PPFIA2: variants seen among roughly 807,000 people sequenced by gnomAD.
The protein encoded by PPFIA2 is liprin-alpha-2.
Under a neutral mutation model 175.5 loss-of-function variants are expected in PPFIA2, and 46 were observed. That is an observed-to-expected ratio of 0.26 (90% confidence interval 0.21 to 0.34). PPFIA2 has a LOEUF of 0.34. Among genes scored for constraint, PPFIA2 ranks in the 10% least tolerant of loss-of-function variants. PPFIA2 has a pLI of 1.00. For synonymous variants in PPFIA2, 568 were observed against 511.4 expected, an observed-to-expected ratio of 1.11 and a Z score of -1.49; for missense variants, 1,179 against 1,506.1, an observed-to-expected ratio of 0.78 and a Z score of 3.60.
chr12:81,341,320 A>G, intron 19 of PPFIA2, 112 bp from the exon 20 acceptor site: 1 of 1,061,874 alleles, frequency 9.4e-7, no homozygotes, highest in Non-Finnish European at 1.3e-6. Flanking sequence ...TACAAAATAA[A>G]ACAACAAAAC....
intron 4 of PPFIA2, chr12:81,598,093 C>A: frequency 6.5e-7 from 1 of 1,532,136 alleles, no homozygotes. Flanking sequence ...GAGAGCTTAG[C>A]GTACAGATAA....
At chr12:81,741,951 T>C (rs2082376848) in intron 3 of PPFIA2, among the ~76,000 whole-genome samples, 1 of 152,110 alleles carries the variant, frequency 6.6e-6, no homozygotes, top group Non-Finnish European at 1.5e-5. Flanking sequence ...TAAATAAATA[T>C]TTGAGTAAAG....
chr12:81,410,838 G>C (rs1592566321), intron 7 of PPFIA2, among the ~76,000 whole-genome samples: 1 of 152,040 alleles, frequency 6.6e-6, no homozygotes, highest in East Asian at 1.9e-4. Flanking sequence ...TAAGCTGGTA[G>C]AATATGAAAG....
chr12:81,707,452 C>CA (rs555637979), intron 3 of PPFIA2, among the ~76,000 whole-genome samples: 79 of 152,296 alleles, frequency 5.2e-4, no homozygotes, highest in African/African-American at 1.9e-3. Flanking sequence ...CAGAGCAATG[C>CA]AAATCAAAGC....
chr12:81,377,760 C>A (rs1435724552), intron 9 of PPFIA2, among the ~76,000 whole-genome samples: 2 of 152,080 alleles, frequency 1.3e-5, no homozygotes, highest in African/African-American at 2.4e-5. Flanking sequence ...TCCCCTCCAT[C>A]TTCAGGGTAA....
chr12:81,347,386 T>A, intron 18 of PPFIA2, 147 bp downstream of exon 18: 1 of 751,440 alleles, frequency 1.3e-6, no homozygotes, highest in Non-Finnish European at 2.3e-6. Context: ...AATGTACTGA[T>A]CACATAGGGA....
chr12:81,365,816 A>G (rs1041103985), intron 14 of PPFIA2, among the ~76,000 whole-genome samples: 6 of 151,786 alleles, frequency 4.0e-5, no homozygotes, highest in South Asian at 2.1e-4. Context: ...CTAAAGACCT[A>G]TCTTTCAGGA....
chr12:81,754,821 A>T (rs769445953), intron 2 of PPFIA2, among the ~76,000 whole-genome samples: 1 of 152,098 alleles, frequency 6.6e-6, no homozygotes, highest in Non-Finnish European at 1.5e-5. Context: ...TTTCAAACTG[A>T]CTAGTTTTAA....
At chr12:81,632,856 T>C (rs746807218) in intron 4 of PPFIA2, among the ~76,000 whole-genome samples, 1 of 152,072 alleles carries the variant, frequency 6.6e-6, no homozygotes, top group Non-Finnish European at 1.5e-5. Flanking sequence ...TGAGCTGCTG[T>C]ACTCTTCTGT....
intron 14 of PPFIA2, among the ~76,000 whole-genome samples, chr12:81,363,257 T>C (rs1395723682): frequency 1.3e-5 from 2 of 151,218 alleles, no homozygotes; most frequent in Non-Finnish European, 1.5e-5. Flanking sequence ...TAGGCAACAA[T>C]TGGAGGATTT....
At chr12:81,708,181 A>C (rs1018762776) in intron 3 of PPFIA2, among the ~76,000 whole-genome samples, 4 of 152,166 alleles carry the variant, frequency 2.6e-5, no homozygotes, top group Admixed American at 1.3e-4. Flanking sequence ...ATAATAAAAA[A>C]ACAAAAAAAA....
At chr12:81,361,130 A>C (rs1165500431) in intron 15 of PPFIA2, among the ~76,000 whole-genome samples, 1 of 151,686 alleles carries the variant, frequency 6.6e-6, no homozygotes, top group African/African-American at 2.4e-5. Flanking sequence ...GATAAATGTC[A>C]CATTGTTAGG....
At chr12:81,662,250 A>G (rs999894418) in intron 4 of PPFIA2, among the ~76,000 whole-genome samples, 21 of 152,176 alleles carry the variant, frequency 1.4e-4, no homozygotes, top group African/African-American at 4.3e-4. Context: ...CAAAAAATCA[A>G]TGAATCCAGG....
chr12:81,278,454 T>G (rs2041153969), intron 27 of PPFIA2, among the ~76,000 whole-genome samples: 1 of 150,612 alleles, frequency 6.6e-6, no homozygotes, highest in Non-Finnish European at 1.5e-5. Context: ...GGCAGAAGAA[T>G]CGCTTGAGCC....
intron 3 of PPFIA2, among the ~76,000 whole-genome samples, chr12:81,720,557 A>T (rs2079182098): frequency 6.6e-6 from 1 of 151,370 alleles, no homozygotes; most frequent in African/African-American, 2.4e-5. Context: ...CAATAGGACC[A>T]CCAATTAAAG....
intron 3 of PPFIA2, among the ~76,000 whole-genome samples, chr12:81,678,033 C>T (rs572339325): frequency 1.3e-5 from 2 of 151,784 alleles, no homozygotes; most frequent in Non-Finnish European, 2.9e-5. Context: ...ATGAAAAAAA[C>T]ACAACTCTCT....
chr12:81,401,672 T>C (rs751069239), intron 8 of PPFIA2, among the ~76,000 whole-genome samples: 1 of 152,292 alleles, frequency 6.6e-6, no homozygotes, highest in African/African-American at 2.4e-5. Flanking sequence ...AGTTAGCAAA[T>C]ACTTGCAGCT....
intron 4 of PPFIA2, among the ~76,000 whole-genome samples, chr12:81,548,670 C>T (rs2067375609): frequency 1.3e-5 from 2 of 152,032 alleles, no homozygotes; most frequent in Admixed American, 6.6e-5. Context: ...ATGGTTCATC[C>T]ATAAATGAAT....
At chr12:81,347,310 T>C (rs1005380709) in intron 18 of PPFIA2, among the ~76,000 whole-genome samples, 10 of 152,112 alleles carry the variant, frequency 6.6e-5, no homozygotes, top group Admixed American at 6.6e-4. Flanking sequence ...GACTTACTAT[T>C]TGACCCTTAG....
Sources: allele counts gnomAD v4.1 joint callset (sites outside exome capture counted in the v4.1 genomes callset), GRCh38; gene constraint gnomAD v4.1.1; transcripts MANE v1.5; gene names NCBI Gene and HGNC (gene_info 2026-07-23, HGNC 2026-07-21).